TNR: variants seen among roughly 807,000 people sequenced by gnomAD.
The protein encoded by TNR is tenascin R, also known as tenascin-R.
A neutral mutation model predicts 150.4 loss-of-function variants in TNR; 45 were observed. That is an observed-to-expected ratio of 0.30 (90% CI 0.24 to 0.38). The LOEUF (loss-of-function observed/expected upper bound fraction) is 0.38, where lower values mean the gene tolerates loss of function less well. Ranked by LOEUF, TNR falls within the 10% of genes least tolerant of loss-of-function variation. TNR has a pLI of 1.00. For synonymous variants in TNR, 687 were observed against 678.4 expected (o/e 1.01, Z -0.20); for missense variants, 1,544 against 1,759.1 (o/e 0.88, Z 2.19).
At chr1:175,579,165 T>TTCCTTCC (rs1662239786) in intron 1 of TNR, among the ~76,000 whole-genome samples, 2 of 134,474 alleles carry the variant, frequency 1.5e-5, no homozygotes, top group East Asian at 4.3e-4. Context: ...TCGTTCCTTC[T>TTCCTTCC]TTCCTTCCTT....
At chr1:175,331,165 C>CT (rs1557868608) in intron 20 of TNR, among the ~76,000 whole-genome samples, 1 of 37,584 alleles carries the variant, frequency 2.7e-5, no homozygotes, top group African/African-American at 9.6e-5. Flanking sequence ...CTTTTTCTTT[C>CT]CTTCCTTCCT....
At chr1:175,573,737 G>A (rs562758337) in intron 1 of TNR, among the ~76,000 whole-genome samples, 28 of 152,308 alleles carry the variant, frequency 1.8e-4, no homozygotes, top group Admixed American at 8.5e-4. Flanking sequence ...CAGGGTGGGC[G>A]TGGGAGTTGA....
At chr1:175,437,020 A>G (rs1655544440) in intron 2 of TNR, among the ~76,000 whole-genome samples, 1 of 152,212 alleles carries the variant, frequency 6.6e-6, no homozygotes, top group Admixed American at 6.5e-5. Flanking sequence ...CTCTGCACCA[A>G]GTGGACCTAA....
At chr1:175,329,914 GC>G (rs1322029259) in intron 21 of TNR, among the ~76,000 whole-genome samples, 159 bp downstream of exon 21, 1 of 152,222 alleles carries the variant, frequency 6.6e-6, no homozygotes, top group Non-Finnish European at 1.5e-5. Context: ...TGGGACCAGT[GC>G]CAGTGGTTCC....
intron 1 of TNR, among the ~76,000 whole-genome samples, chr1:175,615,195 A>G (rs1314789342): frequency 1.3e-5 from 2 of 152,240 alleles, no homozygotes; most frequent in Non-Finnish European, 2.9e-5. Context: ...CAGAGCCTGA[A>G]GAGAGTACAA....
chr1:175,671,950 T>TGTGTGTGTGTGTGTGTGTGTG (rs1491413157), intron 1 of TNR, among the ~76,000 whole-genome samples: 2 of 137,960 alleles, frequency 1.4e-5, no homozygotes, highest in Admixed American at 7.5e-5. Context: ...TGTGTGTGTG[T>TGTGTGTGTGTGTGTGTGTGTG]TGGAGAGGGG....
At position 175,719,382 on chromosome 1, in the gene TNR, C is replaced by T. The variant is rs532788729; in HGVS notation, c.-165+23844G>A. On this transcript the variant is annotated intron_variant, in intron 1 of 22. Transcript: ENST00000367674. Reference sequence around the variant, plus strand: ...TGAAAAGTGTGCACAGTGGCAGAGGCCACAGCCCTGAGGCAGCCTGTGCAG... The same window carrying T: ...TGAAAAGTGTGCACAGTGGCAGAGGTCACAGCCCTGAGGCAGCCTGTGCAG... 8.5e-5 allele frequency among the ~76,000 whole-genome samples: 13 copies of T among 152,292 alleles called. No individual in the cohort carries two copies. The East Asian group carries it at 2.5e-3, about 29-fold the overall frequency.
rs565453726 is a variant in TNR at position 175,518,149 on chromosome 1, T to C, written c.-64+10120A>G. On this transcript the variant is annotated intron_variant, in intron 2 of 22. Coordinates refer to ENST00000367674, the MANE Select transcript of TNR (RefSeq NM_003285.3). ...TGAAATATAATACTTCTGTAAGCAG[T>C]TGTGTTTACACATCTGTAATCATGT... Among the ~76,000 whole-genome samples the C allele has an allele frequency of 1.1e-4, 16 of 152,366 alleles. No individual in the cohort carries two copies. The South Asian group carries it at 3.1e-3, about 30-fold the overall frequency.
chr1:175,587,795 A>G (rs1299393945), intron 1 of TNR, among the ~76,000 whole-genome samples: 1 of 152,228 alleles, frequency 6.6e-6, no homozygotes. Flanking sequence ...GAAGGGTTGA[A>G]AAGCACTGGA....
chr1:175,417,075 G>GAAAT (rs1553218323), intron 2 of TNR, among the ~76,000 whole-genome samples: 1,668 of 138,090 alleles, frequency 0.012, 36 homozygotes, highest in East Asian at 0.016. Flanking sequence ...AAGAAAGAAA[G>GAAAT]AAATCTAAGA....
chr1:175,667,847 G>A (rs993943662), intron 1 of TNR, among the ~76,000 whole-genome samples: 4 of 152,150 alleles, frequency 2.6e-5, no homozygotes, highest in African/African-American at 4.8e-5. Flanking sequence ...GCCCCAGCTG[G>A]TGGGAATGGA....
At chr1:175,469,235 A>T (rs1310059185) in intron 2 of TNR, among the ~76,000 whole-genome samples, 1 of 152,114 alleles carries the variant, frequency 6.6e-6, no homozygotes, top group Non-Finnish European at 1.5e-5. Flanking sequence ...GGATCCCAAT[A>T]ACAAGAAGAC....
intron 2 of TNR, among the ~76,000 whole-genome samples, chr1:175,438,170 C>T (rs1387634214): frequency 6.6e-6 from 1 of 152,258 alleles, no homozygotes; most frequent in East Asian, 1.9e-4. Context: ...CATCAGAAAG[C>T]TTATCCACCA....
chr1:175,441,738 C>T (rs1186285677), intron 2 of TNR, among the ~76,000 whole-genome samples: 1 of 152,012 alleles, frequency 6.6e-6, no homozygotes, highest in East Asian at 1.9e-4. Context: ...TGAGTAGGAC[C>T]ATGTCCTGTT....
intron 1 of TNR, among the ~76,000 whole-genome samples, chr1:175,696,217 GTTTTTTTTTTTTT>G (rs5778870): frequency 4.9e-5 from 2 of 40,470 alleles, no homozygotes; most frequent in African/African-American, 1.5e-4. Context: ...CCTTCCTGTA[GTTTTTTTTTTTTT>G]TTTTTTTTTT....
intron 1 of TNR, among the ~76,000 whole-genome samples, chr1:175,657,853 G>GTATGTATATATATATA (rs1665231476): frequency 1.4e-5 from 1 of 70,460 alleles, no homozygotes; most frequent in Admixed American, 1.5e-4. Flanking sequence ...CATGGAACAT[G>GTATGTATATATATATA]TATATATATA....
intron 1 of TNR, among the ~76,000 whole-genome samples, chr1:175,692,409 A>G (rs1256389812): frequency 6.6e-6 from 1 of 152,256 alleles, no homozygotes; most frequent in Non-Finnish European, 1.5e-5. Flanking sequence ...AGATGGACCA[A>G]ATATATGTGT....
chr1:175,564,756 G>C (rs1363078219), intron 1 of TNR, among the ~76,000 whole-genome samples: 3 of 152,096 alleles, frequency 2.0e-5, no homozygotes, highest in African/African-American at 4.8e-5. Context: ...CTGCATTCTT[G>C]CTGTATTGAA....
At chr1:175,638,209 G>C (rs1011329542) in intron 1 of TNR, among the ~76,000 whole-genome samples, 2 of 152,192 alleles carry the variant, frequency 1.3e-5, no homozygotes, top group African/African-American at 4.8e-5. Flanking sequence ...TTTTTATACA[G>C]AATCCTGCTG....
Sources: allele counts gnomAD v4.1 joint callset (sites outside exome capture counted in the v4.1 genomes callset), GRCh38; gene constraint gnomAD v4.1.1; transcripts MANE v1.5; gene names NCBI Gene and HGNC (gene_info 2026-07-23, HGNC 2026-07-21).